The following STKLD1 variants were observed in gnomAD, a reference collection of about 807,000 sequenced individuals.
STKLD1 encodes the protein serine/threonine kinase like domain containing 1, also known as serine/threonine kinase-like domain-containing protein STKLD1.
In STKLD1, 79 loss-of-function variants were observed where a neutral mutation model predicts 80.4. The observed-to-expected ratio is 0.98, with a 90% confidence interval of 0.82 to 1.19. The LOEUF (loss-of-function observed/expected upper bound fraction) is 1.19, where lower values mean the gene tolerates loss of function less well. STKLD1 is among the 50% of genes most tolerant of loss of function. STKLD1 has a pLI of 0.00. For synonymous variants in STKLD1, 393 were observed against 357.6 expected, an observed-to-expected ratio of 1.10 and a Z score of -1.12; for missense variants, 841 against 856.0, an observed-to-expected ratio of 0.98 and a Z score of 0.22.
chr9:133,380,502 A>C (rs2119205676), intron 2 of STKLD1, among the ~76,000 whole-genome samples: 1 of 152,188 alleles, frequency 6.6e-6, no homozygotes, highest in South Asian at 2.1e-4. Context: ...AAAAATACAA[A>C]AATTAGCTGA....
Position 133,382,044 on chromosome 9 carries a change from G to A in STKLD1, c.175-1812G>A, listed in dbSNP as rs1386712705. Among the ~76,000 whole-genome samples the A allele has an allele frequency of 2.0e-5, 3 of 152,242 alleles. No homozygotes were observed. The South Asian group carries it at 6.2e-4, about 31-fold the overall frequency. The stretch of plus-strand genomic sequence containing the variant: ...CAGTGGTAGTATATACCTAGGGCCT[G>A]TGCCACCAAGCGTGCTGCAGACTCA... On this transcript the variant is annotated intron_variant, in intron 2 of 17. Coordinates refer to ENST00000371957, the MANE Select transcript of STKLD1 (RefSeq NM_153710.5).
chr9:133,381,022 A>G (rs928459954), intron 2 of STKLD1, among the ~76,000 whole-genome samples: 2 of 150,584 alleles, frequency 1.3e-5, no homozygotes, highest in Admixed American at 1.3e-4. Flanking sequence ...TGCTTATGGC[A>G]TTATGGTTTT....
At chr9:133,386,199 G>A (rs2130277030) in intron 4 of STKLD1, among the ~76,000 whole-genome samples, 27 of 152,322 alleles carry the variant, frequency 1.8e-4, no homozygotes, top group Non-Finnish European at 2.8e-4. Flanking sequence ...GATTAGAGGC[G>A]TGAGCCACCA....
intron 7 of STKLD1, among the ~76,000 whole-genome samples, chr9:133,391,204 C>T (rs2130288601): frequency 3.4e-5 from 5 of 149,086 alleles, no homozygotes; most frequent in East Asian, 4.0e-4. Flanking sequence ...TCAGCCCCCC[C>T]GCCCAGACAG....
At chr9:133,383,155 A>G (rs1323512979) in intron 2 of STKLD1, among the ~76,000 whole-genome samples, 6 of 140,394 alleles carry the variant, frequency 4.3e-5, no homozygotes, top group African/African-American at 1.6e-4. Context: ...AATGATTTTG[A>G]TGATGGTGAT....
chr9:133,383,292 A>G (rs1360667623), intron 2 of STKLD1, among the ~76,000 whole-genome samples: 5 of 2,502 alleles, frequency 2.0e-3, no homozygotes, highest in Admixed American at 5.1e-3. Context: ...TGGTGTGATG[A>G]TGTGATGGTG....
At chr9:133,383,399 T>C (rs1238910514) in intron 2 of STKLD1, among the ~76,000 whole-genome samples, 3 of 3,334 alleles carry the variant, frequency 9.0e-4, no homozygotes, top group Non-Finnish European at 1.5e-3. Flanking sequence ...ATGATGGTGA[T>C]GATATATGAT....
Position 133,376,396 on chromosome 9 carries a change from A to G in STKLD1, c.-78A>G. The G allele has an allele frequency of 1.4e-6, 2 of 1,444,342 alleles. No homozygotes were observed. Among genetic ancestry groups the G allele is most frequent in the Non-Finnish European group, 9.1e-7 (1 of 1,093,760 alleles). The allele number at this position is 1,444,342 out of a possible 1,614,324, so 89.5% of individuals were successfully genotyped here. ...CCTCGAGGGCGCCGTTCGGGCGGGG[A>G]GGATCCCGCGGGTCCCACTGACCCA... On this transcript the variant is annotated 5_prime_UTR_variant, in exon 1 of 18. Coordinates refer to ENST00000371957, the MANE Select transcript of STKLD1 (RefSeq NM_153710.5).
chr9:133,390,612 G>A lies in STKLD1; in HGVS notation c.468-69G>A, dbSNP rs1838368981. ...CTCAGCACACACACTGGTCCCACCT[G>A]GGGTTGTGGGTGGTGGCTGCCCAGG... On this transcript the variant is annotated intron_variant, in intron 6 of 17. Transcript: ENST00000371957. The surrounding 1 kb of genome is among the most constrained non-coding windows in gnomAD (Gnocchi z 5.1). The A allele has an allele frequency of 8.7e-7, 1 of 1,145,902 alleles. No individual in the cohort carries two copies. The highest frequency in any genetic ancestry group is 1.3e-6 in the Non-Finnish European group (1 of 757,738). 71.0% of individuals were successfully genotyped at this position (1,145,902 alleles called of 1,614,324 possible).
At chr9:133,376,638 C>T (rs2130250190) in intron 1 of STKLD1, 78 bp downstream of exon 1, 249 of 1,326,014 alleles carry the variant, frequency 1.9e-4, no homozygotes, top group Admixed American at 1.9e-3. Context: ...CCGGCGGTTC[C>T]GACCGAGGGC....
At position 133,401,716 on chromosome 9, in the gene STKLD1, C is replaced by T. The variant is rs782794050; in HGVS notation, c.1199-22C>T. The stretch of plus-strand genomic sequence containing the variant: ...CCTGAGCTGTGGGGCTAACCCCAGG[C>T]GTCTTCCTCTGGCTTGAGCAGCGCT... On this transcript the variant is annotated intron_variant, in intron 12 of 17. Transcript: ENST00000371957. 1.5e-5 allele frequency: 24 copies of T among 1,605,448 alleles called. No individual in the cohort carries two copies. The East Asian group carries it at 2.5e-4, about 17-fold the overall frequency.
At chr9:133,392,346 C>T (rs996372008) in intron 7 of STKLD1, among the ~76,000 whole-genome samples, 4 of 151,898 alleles carry the variant, frequency 2.6e-5, no homozygotes, top group South Asian at 2.1e-4. Flanking sequence ...GGATTACAGG[C>T]GTGAACCACC....
intron 7 of STKLD1, among the ~76,000 whole-genome samples, chr9:133,392,265 G>C (rs1376722239): frequency 6.6e-6 from 1 of 151,840 alleles, no homozygotes; most frequent in Non-Finnish European, 1.5e-5. Flanking sequence ...TTTTTTAGTA[G>C]AGACCGGGTT....
At chr9:133,402,678 G>A (rs912754157) in intron 13 of STKLD1, among the ~76,000 whole-genome samples, 200 bp from the exon 14 acceptor site, 14 of 152,216 alleles carry the variant, frequency 9.2e-5, no homozygotes, top group African/African-American at 3.1e-4. Context: ...ATTGGGACTG[G>A]TGGCCCACGA....
At chr9:133,404,420 G>C (rs940470629) in intron 16 of STKLD1, among the ~76,000 whole-genome samples, 2 of 152,278 alleles carry the variant, frequency 1.3e-5, no homozygotes, top group South Asian at 4.1e-4. Context: ...TGGGCCCAGC[G>C]CTGAGCACAG....
At chr9:133,398,572 G>A (rs997734707) in intron 11 of STKLD1, among the ~76,000 whole-genome samples, 5 of 152,152 alleles carry the variant, frequency 3.3e-5, no homozygotes, top group African/African-American at 1.2e-4. Context: ...TGAGCCCAGG[G>A]ATTTGAGACC....
Position 133,397,173 on chromosome 9 carries a change from G to A in STKLD1, c.876G>A (p.Val292=), listed in dbSNP as rs202155724. ...PSDRITIKDV[V]HITFLRGSFK... ...TCTGCTCCTCTGCTAGGGACGTGGTGCACATCACCTTCTTGAGAGGCTCCT... is the reference window on the plus strand; with the variant it reads ...TCTGCTCCTCTGCTAGGGACGTGGTACACATCACCTTCTTGAGAGGCTCCT... The change falls in exon 10 of 18, where the codon GTG becomes GTA. Residue 292 remains valine, a synonymous_variant. Coordinates refer to ENST00000371957, the MANE Select transcript of STKLD1 (RefSeq NM_153710.5). 5 of 1,613,978 alleles carry A rather than the reference G, an allele frequency of 3.1e-6. No homozygotes were observed. In the East Asian group the frequency reaches 1.1e-4, roughly 36 times the overall value.
In STKLD1 at chr9:133,397,999, C is replaced by T; in HGVS notation, c.1025C>T (p.Pro342Leu). 1 of 1,613,516 alleles carries T rather than the reference C, an allele frequency of 6.2e-7. No homozygotes were observed. ...GTCATGCAGAAATTCTCTGGCTGGC[C>T]CGAAGTCCAGCTCAGGGCCATGAAG... The part of the protein sequence containing the change: ...LEVMQKFSGW[P>L]EVQLRAMKRL... Residue 342 changes from proline (P) to leucine (L), a missense_variant, in exon 11 of 18, where the codon CCC becomes CTC. Transcript: ENST00000371957.
chr9:133,400,494 GTGCC>G lies in STKLD1; in HGVS notation c.1167_1170del (p.Cys390ProfsTer30). 1.2e-6 allele frequency: 2 copies of G among 1,613,406 alleles called. No individual in the cohort carries two copies. The highest frequency in any genetic ancestry group is 1.7e-6 in the Non-Finnish European group (2 of 1,179,994). Reference sequence around the variant, plus strand: ...GACAGGGTCCTCGATGTCCAGCTGTGTGCCTGCTCCCTGCTGCTGCACCTCCTGG... The same window carrying G: ...GACAGGGTCCTCGATGTCCAGCTGTGTGCTCCCTGCTGCTGCACCTCCTGG... On this transcript the variant is annotated frameshift_variant, in exon 12 of 18. Transcript: ENST00000371957. LOFTEE classifies it high-confidence loss of function.
Sources: gnomAD v4.1 joint callset for allele counts (sites outside exome capture counted in the v4.1 genomes callset) on GRCh38, gnomAD v4.1.1 for gene constraint, Gnocchi (gnomAD v3.1) non-coding constraint, MANE v1.5 for transcripts, NCBI Gene and HGNC (gene_info 2026-07-23, HGNC 2026-07-21) for gene names.